Variants in HPSE2 observed in about 807,000 individuals in gnomAD.
HPSE2 encodes the protein inactive heparanase-2.
In HPSE2, 38 loss-of-function variants were observed where a neutral mutation model predicts 60.5. The observed-to-expected ratio is 0.63, with a 90% CI of 0.48 to 0.82. HPSE2 has a LOEUF of 0.82. HPSE2 is among the 40% of genes least tolerant of loss of function. The pLI is 0.00. For missense variants in HPSE2, 713 were observed against 740.4 expected (o/e 0.96, Z 0.43); for synonymous variants, 295 against 293.2 (o/e 1.01, Z -0.06).
intron 3 of HPSE2, among the ~76,000 whole-genome samples, chr10:98,756,369 A>G (rs113516947): frequency 3.9e-5 from 6 of 152,294 alleles, no homozygotes; most frequent in African/African-American, 1.4e-4. Context: ...CATACAAAAT[A>G]TCAATAAAAC....
At chr10:99,127,661 T>C (rs554845728) in intron 3 of HPSE2, among the ~76,000 whole-genome samples, 1 of 152,282 alleles carries the variant, frequency 6.6e-6, no homozygotes, top group Non-Finnish European at 1.5e-5. Context: ...GAGGAATTCA[T>C]TGCAAAAAGA....
the HPSE2 span, among the ~76,000 whole-genome samples, chr10:99,250,602 G>A: frequency 6.6e-6 from 1 of 151,986 alleles, no homozygotes; most frequent in East Asian, 1.9e-4. Context: ...CACGTGCTAG[G>A]CCATAAAGCA....
At chr10:99,274,291 G>A in the HPSE2 span, among the ~76,000 whole-genome samples, 1 of 152,150 alleles carries the variant, frequency 6.6e-6, no homozygotes, top group Non-Finnish European at 1.5e-5. Flanking sequence ...AGGTTGCAGT[G>A]AGCAAAGGAT....
intron 6 of HPSE2, among the ~76,000 whole-genome samples, chr10:98,655,015 C>T (rs1947020398): frequency 6.6e-6 from 1 of 152,156 alleles, no homozygotes; most frequent in African/African-American, 2.4e-5. Flanking sequence ...TGTTACTGTG[C>T]TGCTGGTGTG....
At chr10:98,985,145 A>T (rs1371709113) in intron 3 of HPSE2, among the ~76,000 whole-genome samples, 1 of 152,226 alleles carries the variant, frequency 6.6e-6, no homozygotes, top group African/African-American at 2.4e-5. Flanking sequence ...AGAGAACGCC[A>T]CAAAGATACT....
intron 3 of HPSE2, among the ~76,000 whole-genome samples, chr10:99,141,902 C>A (rs73331999): frequency 0.011 from 1,719 of 152,182 alleles, 35 homozygotes; most frequent in African/African-American, 0.039. Context: ...CTTAGTTGTC[C>A]CATTTTTAAA....
chr10:99,009,985 T>C (rs549351881), intron 3 of HPSE2, among the ~76,000 whole-genome samples: 3 of 152,348 alleles, frequency 2.0e-5, no homozygotes, highest in East Asian at 1.9e-4. Context: ...AAAAGCTTCA[T>C]AGACTGAAAT....
chr10:99,132,241 G>A (rs7909509), intron 3 of HPSE2, among the ~76,000 whole-genome samples: 15,125 of 26,254 alleles, frequency 0.58, 3,542 homozygotes, highest in African/African-American at 0.6. Flanking sequence ...GAGAGAGAGA[G>A]AGAAAGAAAG....
intron 9 of HPSE2, among the ~76,000 whole-genome samples, chr10:98,524,415 C>T (rs1011922082): frequency 7.9e-5 from 12 of 152,122 alleles, no homozygotes; most frequent in African/African-American, 1.4e-4. Flanking sequence ...GCTGACTGTC[C>T]GAGAGGCCAC....
chr10:99,300,128 G>A, the HPSE2 span, among the ~76,000 whole-genome samples: 5 of 151,906 alleles, frequency 3.3e-5, no homozygotes, highest in African/African-American at 7.3e-5. Context: ...AATGTCATGA[G>A]ATCAGCATCT....
chr10:98,900,354 A>C (rs1434085679), intron 3 of HPSE2, among the ~76,000 whole-genome samples: 1 of 152,198 alleles, frequency 6.6e-6, no homozygotes, highest in Non-Finnish European at 1.5e-5. Context: ...TGTACAGTTC[A>C]AGAAAATACA....
At chr10:98,852,113 A>ATATATATATGTGTGTGTG (rs779720749) in intron 3 of HPSE2, among the ~76,000 whole-genome samples, 3 of 91,964 alleles carry the variant, frequency 3.3e-5, no homozygotes, top group African/African-American at 1.4e-4. Context: ...GTATATTATG[A>ATATATATATGTGTGTGTG]TGTGTGTGTG....
chr10:98,979,533 T>G (rs765531598), intron 3 of HPSE2, among the ~76,000 whole-genome samples: 3 of 152,224 alleles, frequency 2.0e-5, no homozygotes, highest in Non-Finnish European at 4.4e-5. Context: ...TATAAAGGAA[T>G]ACTGTATTCA....
At chr10:98,857,310 C>T (rs577116510) in intron 3 of HPSE2, among the ~76,000 whole-genome samples, 53 of 152,208 alleles carry the variant, frequency 3.5e-4, no homozygotes, top group Non-Finnish European at 6.9e-4. Flanking sequence ...TACTTTGCAG[C>T]CAGACCTATA....
At chr10:99,210,847 C>T in intron 2 of HPSE2, among the ~76,000 whole-genome samples, 1 of 152,118 alleles carries the variant, frequency 6.6e-6, no homozygotes, top group East Asian at 1.9e-4. Context: ...AGCTCTTCTG[C>T]TAAGATGAGG....
chr10:99,020,772 G>C (rs11189936), intron 3 of HPSE2, among the ~76,000 whole-genome samples: 1 of 152,202 alleles, frequency 6.6e-6, no homozygotes, highest in African/African-American at 2.4e-5. Flanking sequence ...CCTACCCACA[G>C]TGAAAAAGAG....
chr10:98,469,461 A>C (rs1472158541), intron 11 of HPSE2, among the ~76,000 whole-genome samples: 5 of 152,220 alleles, frequency 3.3e-5, no homozygotes, highest in Non-Finnish European at 7.3e-5. Context: ...AGTAGTGTTT[A>C]AGGGGCATTA....
chr10:99,289,429 T>C, the HPSE2 span, among the ~76,000 whole-genome samples: 1 of 152,162 alleles, frequency 6.6e-6, no homozygotes, highest in African/African-American at 2.4e-5. Context: ...CATCCTACAA[T>C]TACTGGTGGC....
intron 2 of HPSE2, among the ~76,000 whole-genome samples, chr10:99,226,419 T>C (rs191362858): frequency 6.6e-6 from 1 of 152,226 alleles, no homozygotes; most frequent in African/African-American, 2.4e-5. Flanking sequence ...TTTTGAAGAA[T>C]ACAAGTCAGG....
Sources: gnomAD v4.1 joint callset for allele counts (sites outside exome capture counted in the v4.1 genomes callset) on GRCh38, gnomAD v4.1.1 for gene constraint, MANE v1.5 for transcripts, NCBI Gene and HGNC (gene_info 2026-07-23, HGNC 2026-07-21) for gene names.